CHST8: variants seen among roughly 807,000 people sequenced by gnomAD.
CHST8 encodes carbohydrate sulfotransferase 8.
Under a neutral mutation model 15.0 loss-of-function variants are expected in CHST8, and 10 were observed. That is an observed-to-expected ratio of 0.67 (90% CI 0.41 to 1.13). CHST8 has a LOEUF of 1.13. CHST8 is among the 50% of genes most tolerant of loss of function. The pLI is 0.00. For missense variants in CHST8, 634 were observed against 608.2 expected (o/e 1.04, Z -0.45); for synonymous variants, 259 against 256.6 (o/e 1.01, Z -0.09).
chr19:33,735,432 C>T (rs1475684356), intron 3 of CHST8, among the ~76,000 whole-genome samples: 1 of 152,230 alleles, frequency 6.6e-6, no homozygotes, highest in Non-Finnish European at 1.5e-5. Flanking sequence ...GCCCCCTTCT[C>T]CCGACTGCCC....
chr19:33,709,427 A>G (rs1299832627), intron 3 of CHST8, among the ~76,000 whole-genome samples: 1 of 152,228 alleles, frequency 6.6e-6, no homozygotes, highest in African/African-American at 2.4e-5. Flanking sequence ...AAATTTAACC[A>G]TGAATAGGTG....
intron 2 of CHST8, among the ~76,000 whole-genome samples, chr19:33,674,312 C>T (rs1014665530): frequency 2.6e-5 from 4 of 152,176 alleles, no homozygotes; most frequent in Non-Finnish European, 5.9e-5. Flanking sequence ...TGCTACTTCC[C>T]CCAGTCCCAA....
chr19:33,768,396 A>G (rs1974895835), intron 3 of CHST8, among the ~76,000 whole-genome samples: 1 of 152,122 alleles, frequency 6.6e-6, no homozygotes, highest in Non-Finnish European at 1.5e-5. Flanking sequence ...ACAACATAGC[A>G]AGACCCCATC....
chr19:33,696,498 A>G (rs1447047711), intron 3 of CHST8, among the ~76,000 whole-genome samples: 1 of 152,172 alleles, frequency 6.6e-6, no homozygotes, highest in African/African-American at 2.4e-5. Flanking sequence ...CCTTATGAGA[A>G]TCTAATACCT....
intron 3 of CHST8, among the ~76,000 whole-genome samples, chr19:33,762,819 T>C (rs1435776765): frequency 1.3e-5 from 2 of 152,156 alleles, no homozygotes; most frequent in Admixed American, 6.5e-5. Context: ...TCAAGGCACT[T>C]GTCCAAGGTC....
chr19:33,724,365 A>C (rs547981597), intron 3 of CHST8, among the ~76,000 whole-genome samples: 288 of 152,288 alleles, frequency 1.9e-3, no homozygotes, highest in Middle Eastern at 6.8e-3. Context: ...CAGGTGCTGC[A>C]TTAGGGGCCT....
intron 1 of CHST8, among the ~76,000 whole-genome samples, chr19:33,641,174 C>T (rs1178746651): frequency 6.6e-6 from 1 of 152,170 alleles, no homozygotes; most frequent in African/African-American, 2.4e-5. Context: ...GAGCCCTTCC[C>T]TACAAACCTG....
At chr19:33,674,957 T>A (rs947747519) in intron 2 of CHST8, among the ~76,000 whole-genome samples, 2 of 152,198 alleles carry the variant, frequency 1.3e-5, no homozygotes, top group African/African-American at 4.8e-5. Context: ...GAAATGAGTA[T>A]ACGTGTGTGC....
At chr19:33,684,263 G>C (rs771574911) in intron 2 of CHST8, among the ~76,000 whole-genome samples, 2 of 152,050 alleles carry the variant, frequency 1.3e-5, no homozygotes, top group African/African-American at 4.8e-5. Flanking sequence ...GCATGGGGCT[G>C]GGGGGGAGTG....
At chr19:33,703,197 C>G (rs535910350) in intron 3 of CHST8, among the ~76,000 whole-genome samples, 8 of 152,322 alleles carry the variant, frequency 5.3e-5, no homozygotes, top group African/African-American at 1.9e-4. Flanking sequence ...CTTCCCCCAG[C>G]CTCACTTGGC....
chr19:33,672,390 G>T (rs1972749383), intron 2 of CHST8, among the ~76,000 whole-genome samples: 1 of 152,108 alleles, frequency 6.6e-6, no homozygotes, highest in Non-Finnish European at 1.5e-5. Context: ...TAGAGATGGG[G>T]TATCACCATG....
At chr19:33,702,100 G>A (rs188909430) in intron 3 of CHST8, among the ~76,000 whole-genome samples, 6 of 152,160 alleles carry the variant, frequency 3.9e-5, no homozygotes, top group East Asian at 1.9e-4. Context: ...TCAGCCTCCC[G>A]AGTAGGTGGG....
At chr19:33,656,156 G>A (rs983528862) in intron 1 of CHST8, among the ~76,000 whole-genome samples, 3 of 151,960 alleles carry the variant, frequency 2.0e-5, no homozygotes, top group African/African-American at 7.3e-5. Flanking sequence ...GTACTTTAAA[G>A]CTTTTTATTT....
chr19:33,767,086 CGCCCATCAGGGCTCGGGGCTGGGA>C (rs780358958), intron 3 of CHST8, among the ~76,000 whole-genome samples: 3,340 of 152,258 alleles, frequency 0.022, 49 homozygotes, highest in Middle Eastern at 0.065. Flanking sequence ...CTAGCATCAT[CGCCCATCAGGGCTCGGGGCTGGGA>C]CATGAGCAGC....
At chr19:33,761,650 A>G (rs1974730800) in intron 3 of CHST8, among the ~76,000 whole-genome samples, 1 of 151,210 alleles carries the variant, frequency 6.6e-6, no homozygotes, top group Admixed American at 6.6e-5. Flanking sequence ...ATATATATAT[A>G]TAGTATAAAA....
intron 3 of CHST8, among the ~76,000 whole-genome samples, chr19:33,735,986 C>CTGCT (rs908083304): frequency 3.2e-4 from 48 of 152,250 alleles, no homozygotes; most frequent in Admixed American, 3.1e-3. Flanking sequence ...ACAAAAGAGA[C>CTGCT]TGCTCCCTGC....
intron 1 of CHST8, among the ~76,000 whole-genome samples, chr19:33,632,807 C>T (rs936197383): frequency 4.0e-4 from 61 of 151,960 alleles, no homozygotes; most frequent in African/African-American, 1.4e-3. Flanking sequence ...CTCACTCTAT[C>T]GCCCAGGCTG....
chr19:33,631,374 G>A (rs1263639902), intron 1 of CHST8, among the ~76,000 whole-genome samples: 3 of 152,178 alleles, frequency 2.0e-5, no homozygotes, highest in Admixed American at 2.0e-4. Flanking sequence ...GACATGGGCT[G>A]GGAGTGGCAC....
intron 3 of CHST8, among the ~76,000 whole-genome samples, chr19:33,696,788 C>T (rs535278192): frequency 6.6e-6 from 1 of 151,646 alleles, no homozygotes; most frequent in Non-Finnish European, 1.5e-5. Context: ...TTCCCACCAG[C>T]AGTGAAAAGC....
Sources: gnomAD v4.1 joint callset for allele counts (sites outside exome capture counted in the v4.1 genomes callset) on GRCh38, gnomAD v4.1.1 for gene constraint, MANE v1.5 for transcripts, NCBI Gene and HGNC (gene_info 2026-07-23, HGNC 2026-07-21) for gene names.